CHD7: variants seen among roughly 807,000 people sequenced by gnomAD.
CHD7 encodes the protein chromodomain helicase DNA binding protein 7.
Under a neutral mutation model 307.3 loss-of-function variants are expected in CHD7, and 24 were observed. That is an observed-to-expected ratio of 0.08 (90% CI 0.06 to 0.11). The LOEUF (loss-of-function observed/expected upper bound fraction) is 0.11, where lower values mean the gene tolerates loss of function less well. CHD7 is among the 10% of genes least tolerant of loss of function. The pLI is 1.00. For missense variants in CHD7, 3,106 were observed against 3,727.1 expected, an observed-to-expected ratio of 0.83 and a Z score of 4.34; for synonymous variants, 1,363 against 1,349.9, an observed-to-expected ratio of 1.01 and a Z score of -0.21.
intron 2 of CHD7, among the ~76,000 whole-genome samples, chr8:60,775,141 C>T (rs1342586440): frequency 1.3e-5 from 2 of 151,926 alleles, no homozygotes; most frequent in East Asian, 3.9e-4. Context: ...AGCAGAAAGG[C>T]AAAGGTTCAA....
Position 60,851,073 on chromosome 8 carries a change from C to T in CHD7, c.5576C>T (p.Pro1859Leu). The stretch of plus-strand genomic sequence containing the variant: ...GAAGATGAAGACCCAGAATATAAAC[C>T]AACCAGAACACCGTTCAAAGATGAA... Reference protein sequence around the residue: ...DREDEDPEYKPTRTPFKDEID... With the variant: ...DREDEDPEYKLTRTPFKDEID... Residue 1859 changes from proline to leucine, a missense_variant, in exon 27 of 38, where the codon CCA (proline) becomes CTA (leucine). Pro to Leu is a moderately conservative substitution (Grantham distance 98). Transcript: ENST00000423902. The T allele has an allele frequency of 6.4e-7, 1 of 1,574,480 alleles. No homozygotes were observed. The highest frequency in any genetic ancestry group is 8.6e-7 in the Non-Finnish European group (1 of 1,158,736).
chr8:60,758,124 C>T (rs1035817343), intron 2 of CHD7, among the ~76,000 whole-genome samples: 3 of 151,946 alleles, frequency 2.0e-5, no homozygotes, highest in African/African-American at 7.3e-5. Flanking sequence ...TGAATTATGC[C>T]AATCTTCTGA....
At chr8:60,747,604 A>G (rs11775560) in intron 2 of CHD7, among the ~76,000 whole-genome samples, 42,824 of 152,114 alleles carry the variant, frequency 0.28, 7,889 homozygotes, top group African/African-American at 0.52. Context: ...CCTCTGGACA[A>G]GTTTACAGCT....
intron 13 of CHD7, among the ~76,000 whole-genome samples, chr8:60,828,319 G>A (rs531259515): frequency 2.0e-5 from 3 of 152,302 alleles, no homozygotes; most frequent in East Asian, 1.9e-4. Flanking sequence ...TTTCATCTGC[G>A]TCTAGGGATT....
At chr8:60,782,058 A>G (rs1321104456) in intron 3 of CHD7, among the ~76,000 whole-genome samples, 1 of 152,158 alleles carries the variant, frequency 6.6e-6, no homozygotes, top group East Asian at 1.9e-4. Flanking sequence ...TTCTTACCCC[A>G]TTTATTCGGT....
chr8:60,721,718 G>A (rs150853189), intron 1 of CHD7, among the ~76,000 whole-genome samples: 1 of 152,340 alleles, frequency 6.6e-6, no homozygotes, highest in East Asian at 1.9e-4. Context: ...TGCTGCCAAT[G>A]CTGGTCCATG....
chr8:60,858,008 C>T (rs1805792415), intron 34 of CHD7, among the ~76,000 whole-genome samples: 1 of 152,232 alleles, frequency 6.6e-6, no homozygotes, highest in Non-Finnish European at 1.5e-5. Context: ...GTAATCCCAG[C>T]ACTCTGGGAG....
chr8:60,857,126 T>C (rs899925945), intron 34 of CHD7, among the ~76,000 whole-genome samples: 4 of 152,250 alleles, frequency 2.6e-5, no homozygotes, highest in African/African-American at 9.6e-5. Context: ...TGTTGATTGC[T>C]CTCAGAAGAA....
chr8:60,744,667 A>G (rs1011574102), intron 2 of CHD7, among the ~76,000 whole-genome samples: 1 of 151,880 alleles, frequency 6.6e-6, no homozygotes, highest in African/African-American at 2.4e-5. Context: ...AAACTGGCCA[A>G]CATGGTGAAA....
intron 2 of CHD7, among the ~76,000 whole-genome samples, chr8:60,743,807 TTTG>T (rs1255971059): frequency 6.6e-6 from 1 of 152,204 alleles, no homozygotes; most frequent in Admixed American, 6.5e-5. Flanking sequence ...CATTATAAAT[TTTG>T]TTGTTTATGC....
At chr8:60,810,660 A>T (rs1009840298) in intron 7 of CHD7, among the ~76,000 whole-genome samples, 19 of 152,102 alleles carry the variant, frequency 1.2e-4, no homozygotes, top group African/African-American at 4.3e-4. Context: ...TTTCAGAGTT[A>T]CTAGCCCATA....
chr8:60,839,511 T>C (rs1264415784), intron 19 of CHD7, among the ~76,000 whole-genome samples: 3 of 152,222 alleles, frequency 2.0e-5, no homozygotes, highest in Non-Finnish European at 4.4e-5. Context: ...CCAGACTGTT[T>C]TGTAAAGTGA....
intron 2 of CHD7, among the ~76,000 whole-genome samples, chr8:60,766,566 A>G (rs986897889): frequency 1.3e-4 from 20 of 152,192 alleles, no homozygotes; most frequent in African/African-American, 4.8e-4. Flanking sequence ...ATGTCACCTG[A>G]ATAAGGATAG....
chr8:60,790,484 A>G (rs1811721775), intron 3 of CHD7, among the ~76,000 whole-genome samples: 1 of 152,146 alleles, frequency 6.6e-6, no homozygotes, highest in South Asian at 2.1e-4. Context: ...TATTTTTTTG[A>G]ACTTTAGCCC....
intron 5 of CHD7, among the ~76,000 whole-genome samples, chr8:60,800,923 G>T (rs955580899): frequency 6.6e-6 from 1 of 152,138 alleles, no homozygotes; most frequent in Admixed American, 6.5e-5. Context: ...TTACTGCCTT[G>T]TAGTACCCAG....
chr8:60,836,676 A>G (rs1308062324), intron 16 of CHD7, 141 bp from the exon 17 acceptor site: 4 of 573,668 alleles, frequency 7.0e-6, no homozygotes, highest in Non-Finnish European at 8.7e-6. Context: ...AATAAACCCT[A>G]TTTGCTCTGA....
chr8:60,746,855 G>C (rs1046945820), intron 2 of CHD7, among the ~76,000 whole-genome samples: 2 of 152,022 alleles, frequency 1.3e-5, no homozygotes, highest in African/African-American at 4.8e-5. Context: ...TAGACTTTTC[G>C]ATTATTTGAT....
Position 60,836,806 on chromosome 8 carries a change from A to T in CHD7, c.3990-11A>T. ...GCGTCAGGCCTCCTTGTTCACACTG[A>T]TGTTTTCTAGGTACCCATATGAAAG... On this transcript the variant is annotated splice_polypyrimidine_tract_variant and intron_variant, in intron 16 of 37. Coordinates refer to ENST00000423902, the MANE Select transcript of CHD7 (RefSeq NM_017780.4). 1.2e-6 allele frequency: 2 copies of T among 1,611,904 alleles called. No homozygotes were observed. Among genetic ancestry groups the T allele is most frequent in the Non-Finnish European group, 1.7e-6 (2 of 1,178,444 alleles).
chr8:60,822,391 C>A, intron 11 of CHD7, 112 bp from the exon 12 acceptor site: 1 of 1,044,894 alleles, frequency 9.6e-7, no homozygotes, highest in Admixed American at 2.9e-5. Context: ...AAGAGAACAT[C>A]TAAAGCCTTT....
Sources: allele counts gnomAD v4.1 joint callset (sites outside exome capture counted in the v4.1 genomes callset), GRCh38; gene constraint gnomAD v4.1.1; transcripts MANE v1.5; gene names NCBI Gene and HGNC (gene_info 2026-07-23, HGNC 2026-07-21).